Variants in ACVR2A observed in about 807,000 individuals in gnomAD.
ACVR2A encodes activin A receptor type 2A.
A neutral mutation model predicts 61.4 loss-of-function variants in ACVR2A; 7 were observed. The ratio of observed to expected loss-of-function variants is 0.11; its 90% CI spans 0.06 to 0.21. The LOEUF (loss-of-function observed/expected upper bound fraction) is 0.21, where lower values mean the gene tolerates loss of function less well. Ranked by LOEUF, ACVR2A falls within the 10% of genes least tolerant of loss-of-function variation. ACVR2A has a pLI of 1.00. For missense variants in ACVR2A, 322 were observed against 621.7 expected, an observed-to-expected ratio of 0.52 and a Z score of 5.13; for synonymous variants, 193 against 208.3, an observed-to-expected ratio of 0.93 and a Z score of 0.63.
Position 147,927,447 on chromosome 2 carries a change from C to T in ACVR2A, c.*173C>T, listed in dbSNP as rs1270982289. 5 of 596,148 alleles carry T rather than the reference C, an allele frequency of 8.4e-6. No individual in the cohort carries two copies. The highest frequency in any genetic ancestry group is 5.8e-5 in the African/African-American group (3 of 52,048). The allele number at this position is 596,148 out of a possible 1,614,324, so 36.9% of individuals were successfully genotyped here. ...TGCTCTGGGAGACTTACTGCATTGC[C>T]GACAGCACAGATGTGAAGGACATGA... On this transcript the variant is annotated 3_prime_UTR_variant, in exon 11 of 11. Coordinates refer to ENST00000241416, the MANE Select transcript of ACVR2A (RefSeq NM_001616.5).
intron 7 of ACVR2A, among the ~76,000 whole-genome samples, chr2:147,918,948 A>G (rs1012506759): frequency 2.6e-5 from 4 of 152,056 alleles, no homozygotes; most frequent in African/African-American, 9.7e-5. Flanking sequence ...GAGACTTTGA[A>G]TGTCTTCCTT....
chr2:147,883,023 G>T (rs537064998), intron 1 of ACVR2A, among the ~76,000 whole-genome samples: 33 of 152,308 alleles, frequency 2.2e-4, no homozygotes, highest in Admixed American at 1.3e-3. Flanking sequence ...TTTTGGGACA[G>T]TGTGGACTTT....
At chr2:147,926,214 AG>A in intron 10 of ACVR2A, 53 bp downstream of exon 10, 2 of 1,578,170 alleles carry the variant, frequency 1.3e-6, no homozygotes, top group South Asian at 2.3e-5. Context: ...CACTTTTCAG[AG>A]GAATTATTTA....
intron 1 of ACVR2A, among the ~76,000 whole-genome samples, chr2:147,874,858 G>T (rs924466823): frequency 6.6e-6 from 1 of 151,930 alleles, no homozygotes; most frequent in Non-Finnish European, 1.5e-5. Context: ...GTAGGTTTAA[G>T]TTAAAAGATA....
rs1051606866 is a variant in ACVR2A at position 147,927,510 on chromosome 2, T to G, written c.*236T>G. On this transcript the variant is annotated 3_prime_UTR_variant, in exon 11 of 11. Transcript: ENST00000241416. Reference sequence around the variant, plus strand: ...CCTTGCAAACTCTATAAAGAAACTTTTGAAAAAGTGTACATGAAGAATGTA... The same window carrying G: ...CCTTGCAAACTCTATAAAGAAACTTGTGAAAAAGTGTACATGAAGAATGTA... The G allele has an allele frequency of 2.7e-6, 1 of 376,176 alleles. No individual in the cohort carries two copies. The highest frequency in any genetic ancestry group is 4.7e-6 in the Non-Finnish European group (1 of 213,650). The allele number at this position is 376,176 out of a possible 1,614,324, so 23.3% of individuals were successfully genotyped here. A position where few individuals can be genotyped will look rare whatever the true frequency, so the allele number is the denominator to read the frequency against.
intron 7 of ACVR2A, among the ~76,000 whole-genome samples, chr2:147,918,833 G>C (rs1380793093): frequency 6.6e-6 from 1 of 151,932 alleles, no homozygotes; most frequent in Non-Finnish European, 1.5e-5. Flanking sequence ...AAGCATGATT[G>C]AAAATAAACT....
At position 147,861,999 on chromosome 2, in the gene ACVR2A, G is replaced by T. The variant is rs377363676; in HGVS notation, c.55+16792G>T. Among the ~76,000 whole-genome samples, 13 of 152,152 alleles carry T rather than the reference G, an allele frequency of 8.5e-5. No individual in the cohort carries two copies. In the East Asian group the frequency reaches 2.1e-3, roughly 25 times the overall value. On this transcript the variant is annotated intron_variant, in intron 1 of 10. Coordinates refer to ENST00000241416, the MANE Select transcript of ACVR2A (RefSeq NM_001616.5). Reference sequence around the variant, plus strand: ...TCTGTTTTGTTTTAACTCAAACCCTGAGATAATGCAATTTGCCTGAAGTCA... The same window carrying T: ...TCTGTTTTGTTTTAACTCAAACCCTTAGATAATGCAATTTGCCTGAAGTCA...
intron 9 of ACVR2A, chr2:147,925,801 A>G (rs1483811352): frequency 2.3e-6 from 1 of 431,484 alleles, no homozygotes; most frequent in Non-Finnish European, 4.1e-6. Context: ...AAAGCCCCTT[A>G]TGCAATCTTT....
chr2:147,915,096 G>A, intron 4 of ACVR2A, 95 bp from the exon 5 acceptor site: 4 of 1,174,036 alleles, frequency 3.4e-6, no homozygotes, highest in Non-Finnish European at 4.9e-6. Context: ...GTTTCTGTCA[G>A]TTGACTTTTC....
chr2:147,847,596 T>A (rs898963099), intron 1 of ACVR2A, among the ~76,000 whole-genome samples: 17 of 152,208 alleles, frequency 1.1e-4, no homozygotes, highest in Non-Finnish European at 2.1e-4. Flanking sequence ...GGACTCTGAT[T>A]TTTCAGTTTC....
chr2:147,857,918 T>C lies in ACVR2A; in HGVS notation c.55+12711T>C, dbSNP rs181217370. ...CATGGGGGTTTGTTTTATGGATTAT[T>C]TTATCACCCAGGTATTAAGCCTAGT... is the stretch of plus-strand genomic sequence containing the variant. On this transcript the variant is annotated intron_variant, in intron 1 of 10. Coordinates refer to ENST00000241416, the MANE Select transcript of ACVR2A (RefSeq NM_001616.5). Among the ~76,000 whole-genome samples the C allele has an allele frequency of 5.9e-4, 90 of 152,260 alleles. 3 individuals are homozygous for C. The highest frequency in any genetic ancestry group is 5.1e-3 in the Admixed American group (78 of 15,270).
At chr2:147,846,100 A>G (rs546345085) in intron 1 of ACVR2A, among the ~76,000 whole-genome samples, 4 of 150,892 alleles carry the variant, frequency 2.7e-5, no homozygotes, top group East Asian at 1.9e-4. Context: ...TGGAAAAACT[A>G]TCTAGTCTTT....
chr2:147,921,254 C>T (rs1029055644), intron 8 of ACVR2A, among the ~76,000 whole-genome samples: 2 of 152,022 alleles, frequency 1.3e-5, no homozygotes, highest in Non-Finnish European at 2.9e-5. Context: ...AGGCTTGTAT[C>T]GAGCTCCTGA....
At chr2:147,855,243 CTT>C (rs1685542574) in intron 1 of ACVR2A, among the ~76,000 whole-genome samples, 1 of 152,152 alleles carries the variant, frequency 6.6e-6, no homozygotes, top group South Asian at 2.1e-4. Context: ...AAGGGTGTGA[CTT>C]TTTCTTAATA....
chr2:147,900,105 G>C (rs1355498637), intron 4 of ACVR2A, among the ~76,000 whole-genome samples: 1 of 152,070 alleles, frequency 6.6e-6, no homozygotes, highest in Non-Finnish European at 1.5e-5. Context: ...GGTTGAGGTC[G>C]AGTAGAATGA....
Position 147,845,169 on chromosome 2 carries a change from A to AGTTGGC in ACVR2A, c.21_26dup (p.Leu7_Ala8dup). The AGTTGGC allele has an allele frequency of 6.2e-7, 1 of 1,612,976 alleles. No homozygotes were observed. Among genetic ancestry groups the AGTTGGC allele is most frequent in the African/African-American group, 1.3e-5 (1 of 74,730 alleles). The stretch of plus-strand genomic sequence containing the variant: ...CTCGGGAAAATGGGAGCTGCTGCAA[A>AGTTGGC]GTTGGCGTTTGCCGTCTTTCTTATC... On this transcript the variant is annotated inframe_insertion, in exon 1 of 11. Transcript: ENST00000241416.
rs1471452440 is a variant in ACVR2A, at chr2:147,929,726, T to C, written c.*2452T>C. ...GTTAACAGAAAGTTTGAGCTAGAGA[T>C]ACTGGAAAAAAAAAAGATCAAAGAA... On this transcript the variant is annotated 3_prime_UTR_variant, in exon 11 of 11. Transcript: ENST00000241416. 2.0e-5 allele frequency: 3 copies of C among 151,896 alleles called. No homozygotes were observed. The highest frequency in any genetic ancestry group is 4.4e-5 in the Non-Finnish European group (3 of 67,854). 9.4% of individuals were successfully genotyped at this position (151,896 alleles called of 1,614,324 possible).
chr2:147,846,741 C>G (rs914147664), intron 1 of ACVR2A, among the ~76,000 whole-genome samples: 1 of 152,204 alleles, frequency 6.6e-6, no homozygotes, highest in East Asian at 1.9e-4. Context: ...GCTTTTGTGA[C>G]ATGACTTAAC....
intron 1 of ACVR2A, among the ~76,000 whole-genome samples, chr2:147,874,151 GGA>G (rs1323558299): frequency 6.6e-6 from 1 of 151,762 alleles, no homozygotes; most frequent in African/African-American, 2.4e-5. Context: ...CTAGTGATAG[GGA>G]CTTTGGTCAC....
Sources: allele counts gnomAD v4.1 joint callset (sites outside exome capture counted in the v4.1 genomes callset), GRCh38; gene constraint gnomAD v4.1.1; transcripts MANE v1.5; gene names NCBI Gene and HGNC (gene_info 2026-07-23, HGNC 2026-07-21).